CNTN6: variants seen among roughly 807,000 people sequenced by gnomAD.
CNTN6 encodes the protein contactin-6.
A neutral mutation model predicts 122.8 loss-of-function variants in CNTN6; 137 were observed. That is an observed-to-expected ratio of 1.12 (90% CI 0.97 to 1.29). The LOEUF (loss-of-function observed/expected upper bound fraction) is 1.29. Ranked by LOEUF, CNTN6 falls within the 50% of genes most tolerant of loss-of-function variation. The pLI is 0.00. For missense variants in CNTN6, 1,634 were observed against 1,223.4 expected (o/e 1.34, Z -5.01); for synonymous variants, 570 against 426.0 (o/e 1.34, Z -4.16).
intron 20 of CNTN6, among the ~76,000 whole-genome samples, chr3:1,393,539 C>A: frequency 7.4e-6 from 1 of 134,944 alleles, no homozygotes; most frequent in Non-Finnish European, 1.6e-5. Context: ...CACATGTACC[C>A]TAAAACTTAA....
intron 5 of CNTN6, among the ~76,000 whole-genome samples, chr3:1,278,811 A>G (rs1359601887): frequency 6.6e-6 from 1 of 152,094 alleles, no homozygotes; most frequent in African/African-American, 2.4e-5. Context: ...TGACAGGCAA[A>G]CTTCATGACA....
At chr3:1,309,531 C>A (rs769100241) in intron 7 of CNTN6, among the ~76,000 whole-genome samples, 3 of 152,144 alleles carry the variant, frequency 2.0e-5, no homozygotes, top group Admixed American at 6.6e-5. Context: ...TGTAGCTTTA[C>A]GGTAAATCCT....
chr3:1,199,829 G>A (rs924510056), intron 2 of CNTN6, among the ~76,000 whole-genome samples: 1 of 152,014 alleles, frequency 6.6e-6, no homozygotes, highest in African/African-American at 2.4e-5. Context: ...AATCATTTTG[G>A]CGTTTGCAAA....
intron 3 of CNTN6, among the ~76,000 whole-genome samples, 165 bp downstream of exon 3, chr3:1,220,978 G>A (rs1398651843): frequency 6.6e-6 from 1 of 152,120 alleles, no homozygotes; most frequent in Non-Finnish European, 1.5e-5. Context: ...AAAGATATAG[G>A]CATTTCCAGT....
chr3:1,385,479 A>AAAACGTTTTTGTCATCTATACTTCTG, intron 19 of CNTN6, 132 bp from the exon 20 acceptor site: 1 of 607,302 alleles, frequency 1.6e-6, no homozygotes, highest in Non-Finnish European at 2.7e-6. Flanking sequence ...TTTTAATTAG[A>AAAACGTTTTTGTCATCTATACTTCTG]AAACGTTTTT....
chr3:1,387,894 C>A (rs1362076678), intron 20 of CNTN6, among the ~76,000 whole-genome samples: 2 of 152,148 alleles, frequency 1.3e-5, no homozygotes. Flanking sequence ...TATCCTGCAC[C>A]CGGCTCGGAG....
At chr3:1,198,162 C>T (rs569011778) in intron 2 of CNTN6, among the ~76,000 whole-genome samples, 1 of 152,146 alleles carries the variant, frequency 6.6e-6, no homozygotes, top group South Asian at 2.1e-4. Flanking sequence ...CATCATCTCT[C>T]AAAGAACTGC....
intron 3 of CNTN6, among the ~76,000 whole-genome samples, chr3:1,223,593 G>A (rs2125534637): frequency 6.6e-6 from 1 of 152,316 alleles, no homozygotes; most frequent in South Asian, 2.1e-4. Context: ...GAAAGTCTAG[G>A]AAAATCATGT....
intron 11 of CNTN6, among the ~76,000 whole-genome samples, chr3:1,349,510 G>A (rs1705289948): frequency 6.6e-6 from 1 of 151,456 alleles, no homozygotes; most frequent in Non-Finnish European, 1.5e-5. Context: ...TTTGCATATT[G>A]TAAAAGAAGA....
At chr3:1,397,233 A>G (rs573278695) in intron 20 of CNTN6, among the ~76,000 whole-genome samples, 3 of 152,300 alleles carry the variant, frequency 2.0e-5, no homozygotes, top group Admixed American at 1.3e-4. Flanking sequence ...AAAAAGACAA[A>G]TGAATAAAAT....
chr3:1,362,582 C>A lies in CNTN6; in HGVS notation c.1493-9717C>A, dbSNP rs142400995. ...AAGAGGATTAGTAAAGGGGAGGATG[C>A]GTGAATAGAAAATGTCTAAACTGCA... On this transcript the variant is annotated intron_variant, in intron 12 of 22. Transcript: ENST00000446702. Among the ~76,000 whole-genome samples, 493 of 151,410 alleles carry A rather than the reference C, an allele frequency of 3.3e-3. 3 individuals are homozygous for A. Among genetic ancestry groups the A allele is most frequent in the African/African-American group, 0.011 (460 of 41,292 alleles).
intron 1 of CNTN6, among the ~76,000 whole-genome samples, chr3:1,119,460 T>A (rs1457728736): frequency 6.6e-6 from 1 of 151,816 alleles, no homozygotes; most frequent in Non-Finnish European, 1.5e-5. Context: ...TTCATAGTCC[T>A]GAGAACTGGT....
chr3:1,176,608 T>C (rs1354609401), intron 2 of CNTN6, among the ~76,000 whole-genome samples: 1 of 152,218 alleles, frequency 6.6e-6, no homozygotes, highest in Non-Finnish European at 1.5e-5. Context: ...TTTATAACTC[T>C]TGATTATTCA....
intron 4 of CNTN6, among the ~76,000 whole-genome samples, chr3:1,246,392 T>C (rs984785380): frequency 3.9e-5 from 6 of 152,192 alleles, no homozygotes; most frequent in Non-Finnish European, 8.8e-5. Context: ...ATTTTTCTGA[T>C]CACATATAAT....
Position 1,402,332 on chromosome 3 carries a change from A to T in CNTN6, c.2832A>T (p.Gln944His), listed in dbSNP as rs766591009. The T allele has an allele frequency of 3.1e-6, 5 of 1,608,658 alleles. No homozygotes were observed. The South Asian group carries it at 5.5e-5, about 18-fold the overall frequency. Reference protein sequence around the residue: ...EVLGYKILYRQNRQSKTHILE... With the variant: ...EVLGYKILYRHNRQSKTHILE... ...ATTTTATTCAGATTCTGTACCGGCA[A>T]AACAGACAGAGTAAAACTCATATTT... is the stretch of plus-strand genomic sequence containing the variant. The change falls in exon 22 of 23, where the codon CAA becomes CAT. Residue 944 changes from glutamine (Q) to histidine (H), a missense_variant. By Grantham distance (24) the Gln-to-His change is conservative. Coordinates refer to ENST00000446702, the MANE Select transcript of CNTN6 (RefSeq NM_001289080.2).
At chr3:1,399,933 C>G (rs1049617033) in intron 20 of CNTN6, among the ~76,000 whole-genome samples, 2 of 152,084 alleles carry the variant, frequency 1.3e-5, no homozygotes, top group African/African-American at 4.8e-5. Context: ...ATTTCTCTAT[C>G]ACATCCCAAC....
At chr3:1,225,238 T>G (rs1012413919) in intron 3 of CNTN6, among the ~76,000 whole-genome samples, 5 of 152,232 alleles carry the variant, frequency 3.3e-5, no homozygotes, top group African/African-American at 1.2e-4. Context: ...AGTATGCAAT[T>G]CTATCAGAAA....
intron 20 of CNTN6, among the ~76,000 whole-genome samples, chr3:1,398,552 C>T (rs915418127): frequency 2.6e-5 from 4 of 152,030 alleles, no homozygotes; most frequent in Non-Finnish European, 4.4e-5. Context: ...CAAACCACTT[C>T]GAACACAACT....
At chr3:1,317,995 T>A (rs1167370446) in intron 7 of CNTN6, among the ~76,000 whole-genome samples, 1 of 151,486 alleles carries the variant, frequency 6.6e-6, no homozygotes, top group Non-Finnish European at 1.5e-5. Flanking sequence ...TAAAGCCCAG[T>A]ACTGTACCCT....
Sources: gnomAD v4.1 joint callset for allele counts (sites outside exome capture counted in the v4.1 genomes callset) on GRCh38, gnomAD v4.1.1 for gene constraint, MANE v1.5 for transcripts, NCBI Gene and HGNC (gene_info 2026-07-23, HGNC 2026-07-21) for gene names.